SIRT1: variants seen among roughly 807,000 people sequenced by gnomAD.
SIRT1 encodes sirtuin 1.
SIRT1 carries 24 observed loss-of-function variants against 67.9 expected under a neutral mutation model. The ratio of observed to expected loss-of-function variants is 0.35; its 90% CI spans 0.26 to 0.50. The LOEUF (loss-of-function observed/expected upper bound fraction) is 0.50, where lower values mean the gene tolerates loss of function less well. Among genes scored for constraint, SIRT1 ranks in the 20% least tolerant of loss-of-function variants. SIRT1 has a pLI of 0.98. For synonymous variants in SIRT1, 378 were observed against 350.7 expected (o/e 1.08, Z -0.87); for missense variants, 873 against 937.2 (o/e 0.93, Z 0.89).
chr10:67,885,841 A>C (rs557871278), intron 1 of SIRT1, among the ~76,000 whole-genome samples: 1 of 152,224 alleles, frequency 6.6e-6, no homozygotes, highest in East Asian at 1.9e-4. Flanking sequence ...TGTTTGGGCT[A>C]AACATGCTTT....
intron 8 of SIRT1, among the ~76,000 whole-genome samples, chr10:67,914,659 A>G (rs757062944): frequency 2.0e-5 from 3 of 152,232 alleles, no homozygotes; most frequent in Non-Finnish European, 4.4e-5. Context: ...CAAACGGACA[A>G]TCTCTTTGCC....
intron 7 of SIRT1, among the ~76,000 whole-genome samples, chr10:67,911,310 C>A (rs1398988240): frequency 2.0e-5 from 3 of 152,202 alleles, no homozygotes; most frequent in Non-Finnish European, 4.4e-5. Flanking sequence ...CCTTCCACTT[C>A]AGCTTCCTGA....
chr10:67,903,468 T>C (rs1410128505), intron 4 of SIRT1, among the ~76,000 whole-genome samples: 2 of 151,012 alleles, frequency 1.3e-5, no homozygotes, highest in South Asian at 2.1e-4. Flanking sequence ...CACTACAAGC[T>C]CCACCTCCTG....
At chr10:67,900,191 G>C (rs1342061055) in intron 4 of SIRT1, among the ~76,000 whole-genome samples, 1 of 152,118 alleles carries the variant, frequency 6.6e-6, no homozygotes, top group East Asian at 1.9e-4. Context: ...TGTCGCTCAA[G>C]TTGGAGTGCA....
At chr10:67,890,502 T>C (rs1842552451) in intron 3 of SIRT1, among the ~76,000 whole-genome samples, 1 of 152,098 alleles carries the variant, frequency 6.6e-6, no homozygotes, top group Non-Finnish European at 1.5e-5. Flanking sequence ...TCCAGCACTT[T>C]GGGAGGCTAA....
chr10:67,890,797 G>A lies in SIRT1; in HGVS notation c.790-605G>A, dbSNP rs1483120578. Among the ~76,000 whole-genome samples the A allele has an allele frequency of 2.0e-5, 3 of 151,856 alleles. No individual in the cohort carries two copies. In the East Asian group the frequency reaches 5.8e-4, roughly 29 times the overall value. The stretch of plus-strand genomic sequence containing the variant: ...TGTAATCCCAGCACTTTGGGAGGCT[G>A]AGGCCTGCGGATCACGAGGTTAGGA... On this transcript the variant is annotated intron_variant, in intron 3 of 8. Coordinates refer to ENST00000212015, the MANE Select transcript of SIRT1 (RefSeq NM_012238.5).
intron 4 of SIRT1, among the ~76,000 whole-genome samples, chr10:67,899,464 G>T (rs1420274403): frequency 6.6e-6 from 1 of 151,346 alleles, no homozygotes; most frequent in Non-Finnish European, 1.5e-5. Context: ...GTCCTTAATG[G>T]TTACCATGGT....
At chr10:67,895,559 T>C (rs1842641457) in intron 4 of SIRT1, among the ~76,000 whole-genome samples, 1 of 152,052 alleles carries the variant, frequency 6.6e-6, no homozygotes, top group Non-Finnish European at 1.5e-5. Flanking sequence ...TTCACTAAAG[T>C]GGTTTATGAT....
rs771866041 is a variant in SIRT1, at chr10:67,916,486, G to C, written c.2137G>C (p.Gly713Arg). Residue 713 changes from glycine to arginine, a missense_variant, in exon 9 of 9, where the codon GGA becomes CGA. By Grantham distance (125) the Gly-to-Arg change is moderately radical. This residue lies in a region of SIRT1 where 295 missense variants were observed against 294.5 expected (regional missense o/e 1.00). Coordinates refer to ENST00000212015, the MANE Select transcript of SIRT1 (RefSeq NM_012238.5). ...TGAGCCTGATGTTCCAGAGAGAGCT[G>C]GAGGAGCTGGATTTGGGACTGATGG... The part of the protein sequence containing the change: ...EDEPDVPERA[G>R]GAGFGTDGDD... 1 of 1,614,148 alleles carries C rather than the reference G, an allele frequency of 6.2e-7. No homozygotes were observed. The highest frequency in any genetic ancestry group is 8.5e-7 in the Non-Finnish European group (1 of 1,180,036).
At chr10:67,909,838 G>A (rs943954664) in intron 7 of SIRT1, among the ~76,000 whole-genome samples, 1 of 151,780 alleles carries the variant, frequency 6.6e-6, no homozygotes, top group Non-Finnish European at 1.5e-5. Context: ...GCCTTCTAAA[G>A]TGCTGGGATT....
chr10:67,885,252 T>G, intron 1 of SIRT1, 101 bp downstream of exon 1: 1 of 1,250,582 alleles, frequency 8.0e-7, no homozygotes, highest in South Asian at 3.3e-5. Flanking sequence ...CGGGGCAGGC[T>G]CCGCGGCGTT....
chr10:67,903,391 CT>C (rs11369665), intron 4 of SIRT1, among the ~76,000 whole-genome samples: 103 of 148,236 alleles, frequency 6.9e-4, no homozygotes, highest in African/African-American at 2.3e-3. Context: ...GCAGATAGTT[CT>C]TTTTTTTTTT....
At chr10:67,894,009 T>TC (rs1354152857) in intron 4 of SIRT1, among the ~76,000 whole-genome samples, 1 of 152,196 alleles carries the variant, frequency 6.6e-6, no homozygotes, top group African/African-American at 2.4e-5. Flanking sequence ...ATGCAGTAGC[T>TC]CGTGCCTATA....
chr10:67,893,493 G>T (rs369037782), intron 4 of SIRT1, among the ~76,000 whole-genome samples: 1 of 150,934 alleles, frequency 6.6e-6, no homozygotes, highest in African/African-American at 2.4e-5. Context: ...ATCGTTAGAA[G>T]TTGTGAATAG....
intron 1 of SIRT1, among the ~76,000 whole-genome samples, chr10:67,885,999 G>T (rs1185143190): frequency 1.4e-5 from 2 of 140,228 alleles, no homozygotes; most frequent in Non-Finnish European, 3.0e-5. Context: ...AGGCTGGAGT[G>T]CAGTGGCGCG....
intron 3 of SIRT1, 123 bp downstream of exon 3, chr10:67,889,246 C>G (rs1255909883): frequency 9.8e-6 from 11 of 1,117,898 alleles, no homozygotes; most frequent in Non-Finnish European, 1.2e-5. Context: ...TGGGAACTGC[C>G]AAAAACTGAG....
chr10:67,893,314 C>T (rs1303754201), intron 4 of SIRT1, among the ~76,000 whole-genome samples: 1 of 152,128 alleles, frequency 6.6e-6, no homozygotes, highest in Non-Finnish European at 1.5e-5. Flanking sequence ...CACCTCCTGA[C>T]AGGCCTCTGT....
At chr10:67,895,751 T>C (rs1341819282) in intron 4 of SIRT1, among the ~76,000 whole-genome samples, 1 of 141,956 alleles carries the variant, frequency 7.0e-6, no homozygotes, top group African/African-American at 2.6e-5. Flanking sequence ...TTTTTTTGTT[T>C]TTTTTTTTTG....
At chr10:67,891,284 G>A (rs1300397961) in intron 3 of SIRT1, 118 bp from the exon 4 acceptor site, 2 of 804,066 alleles carry the variant, frequency 2.5e-6, no homozygotes, top group African/African-American at 3.4e-5. Flanking sequence ...TTTCTTAAAA[G>A]AAGTTTCAGA....
Sources: allele counts gnomAD v4.1 joint callset (sites outside exome capture counted in the v4.1 genomes callset), GRCh38; gene constraint gnomAD v4.1.1; regional missense constraint gnomAD v4.1.1; transcripts MANE v1.5; gene names NCBI Gene and HGNC (gene_info 2026-07-23, HGNC 2026-07-21).